Variants in DLGAP2 observed in about 807,000 individuals in gnomAD.
DLGAP2 encodes the protein disks large-associated protein 2.
DLGAP2 carries 26 observed loss-of-function variants against 100.3 expected under a neutral mutation model. The ratio of observed to expected loss-of-function variants is 0.26; its 90% confidence interval spans 0.19 to 0.36. DLGAP2 has a LOEUF of 0.36. Ranked by LOEUF, DLGAP2 falls within the 10% of genes least tolerant of loss-of-function variation. The pLI is 1.00. For synonymous variants in DLGAP2, 886 were observed against 630.1 expected (o/e 1.41, Z -6.08); for missense variants, 1,858 against 1,453.2 (o/e 1.28, Z -4.53).
intron 1 of DLGAP2, among the ~76,000 whole-genome samples, chr8:813,955 A>G (rs1796417600): frequency 6.6e-6 from 1 of 152,202 alleles, no homozygotes; most frequent in Non-Finnish European, 1.5e-5. Context: ...AGTACAGGAC[A>G]TCTAAAGGGA....
intron 12 of DLGAP2, 175 bp downstream of exon 12, chr8:1,678,804 AAG>A: frequency 1.4e-6 from 1 of 717,162 alleles, no homozygotes; most frequent in East Asian, 3.1e-5. Flanking sequence ...ATTACATGAA[AAG>A]AGAAGCAGTC....
intron 3 of DLGAP2, chr8:1,368,990 CTG>C (rs890778558): frequency 2.0e-5 from 3 of 152,234 alleles, no homozygotes; most frequent in African/African-American, 7.2e-5. Flanking sequence ...ACCCTCAACT[CTG>C]TGCACGTGAC....
chr8:1,345,676 A>G (rs542630126), intron 3 of DLGAP2, among the ~76,000 whole-genome samples: 1 of 152,336 alleles, frequency 6.6e-6, no homozygotes, highest in South Asian at 2.1e-4. Context: ...GAATGACCCC[A>G]CTTCAGGAAA....
chr8:1,081,050 A>T (rs946941281), intron 2 of DLGAP2, among the ~76,000 whole-genome samples: 2 of 152,242 alleles, frequency 1.3e-5, no homozygotes, highest in Admixed American at 1.3e-4. Flanking sequence ...ATAAGATTTT[A>T]TTGAGGTGAT....
chr8:880,933 G>A lies in DLGAP2; in HGVS notation c.19-26979G>A, dbSNP rs572959814. ...CCACTCTGTTAATTTATAACTAGTC[G>A]TATCACTTAATATCTAATTGCACAG... On this transcript the variant is annotated intron_variant, in intron 1 of 14. Coordinates refer to ENST00000637795, the MANE Select transcript of DLGAP2 (RefSeq NM_001346810.2). Among the ~76,000 whole-genome samples, 21 of 152,310 alleles carry A rather than the reference G, an allele frequency of 1.4e-4. 1 individual carries two copies. Among genetic ancestry groups the A allele is most frequent in the Middle Eastern group, 3.4e-3 (1 of 294 alleles).
At chr8:861,361 G>C (rs7822855) in intron 1 of DLGAP2, among the ~76,000 whole-genome samples, 53,931 of 151,900 alleles carry the variant, frequency 0.36, 9,655 homozygotes, top group Middle Eastern at 0.49. Context: ...CGGGGTCCTG[G>C]AACCCCTCCT....
At chr8:853,662 C>T (rs1390336234) in intron 1 of DLGAP2, among the ~76,000 whole-genome samples, 2 of 152,246 alleles carry the variant, frequency 1.3e-5, no homozygotes, top group East Asian at 1.9e-4. Flanking sequence ...GGAGCAGTCT[C>T]AGGCCTGCAG....
intron 2 of DLGAP2, among the ~76,000 whole-genome samples, chr8:917,565 G>T (rs2129000794): frequency 6.6e-6 from 1 of 151,874 alleles, no homozygotes; most frequent in South Asian, 2.1e-4. Context: ...TGTTGTTACT[G>T]GACAGCGTCT....
intron 1 of DLGAP2, among the ~76,000 whole-genome samples, chr8:800,589 C>T (rs1041471404): frequency 6.6e-6 from 1 of 152,142 alleles, no homozygotes; most frequent in Non-Finnish European, 1.5e-5. Flanking sequence ...AGTGGAGAAC[C>T]TTGTGCACCT....
chr8:1,493,479 T>A (rs1332219832), intron 3 of DLGAP2, among the ~76,000 whole-genome samples: 1 of 152,098 alleles, frequency 6.6e-6, no homozygotes, highest in Non-Finnish European at 1.5e-5. Context: ...TGGATGAGAA[T>A]GAAGCAACGG....
chr8:1,105,027 T>G (rs1300842582), intron 2 of DLGAP2: 2 of 152,180 alleles, frequency 1.3e-5, no homozygotes, highest in East Asian at 1.9e-4. Context: ...GTGCCACACC[T>G]GATGGTCCAC....
intron 1 of DLGAP2, among the ~76,000 whole-genome samples, chr8:836,261 A>T (rs1375815837): frequency 6.6e-6 from 1 of 152,012 alleles, no homozygotes; most frequent in Non-Finnish European, 1.5e-5. Context: ...CGGGCGGGAG[A>T]TGACTGTCCC....
chr8:1,257,129 C>G (rs895454982), intron 2 of DLGAP2, among the ~76,000 whole-genome samples: 2 of 152,162 alleles, frequency 1.3e-5, no homozygotes, highest in African/African-American at 4.8e-5. Flanking sequence ...TCCCCGAAGT[C>G]GGGAGAGCTC....
intron 6 of DLGAP2, among the ~76,000 whole-genome samples, chr8:1,592,944 A>G (rs1368066267): frequency 6.6e-6 from 1 of 152,228 alleles, no homozygotes. Flanking sequence ...AAATCACAGC[A>G]GGATGATAGA....
Position 1,165,546 on chromosome 8 carries a change from C to T in DLGAP2, c.74-93305C>T, listed in dbSNP as rs138186126. On this transcript the variant is annotated intron_variant, in intron 2 of 14. Transcript: ENST00000637795. ...GATTTGCATGGCATGTGTTGCCAAGCCTTGTTCTAGATACTGGGATACATC... is the reference window on the plus strand; with the variant it reads ...GATTTGCATGGCATGTGTTGCCAAGTCTTGTTCTAGATACTGGGATACATC... Among the ~76,000 whole-genome samples the T allele has an allele frequency of 7.8e-3, 1,194 of 152,308 alleles. 10 individuals carry two copies. Among genetic ancestry groups the T allele is most frequent in the Middle Eastern group, 0.054 (16 of 294 alleles).
intron 2 of DLGAP2, among the ~76,000 whole-genome samples, chr8:941,829 T>C (rs901312471): frequency 6.6e-6 from 1 of 152,164 alleles, no homozygotes; most frequent in East Asian, 1.9e-4. Flanking sequence ...ATTTTTTTTT[T>C]TGAAAATCCT....
intron 3 of DLGAP2, among the ~76,000 whole-genome samples, chr8:1,362,827 TCTC>T (rs1230422366): frequency 2.6e-5 from 4 of 152,218 alleles, no homozygotes; most frequent in Non-Finnish European, 4.4e-5. Flanking sequence ...CTTCTGGGCT[TCTC>T]CTGGTGAATT....
At chr8:1,433,256 CAG>C (rs1333722676) in intron 3 of DLGAP2, among the ~76,000 whole-genome samples, 2 of 152,202 alleles carry the variant, frequency 1.3e-5, no homozygotes, top group Non-Finnish European at 2.9e-5. Context: ...CCTCTGGCAA[CAG>C]AACCCATCCA....
intron 1 of DLGAP2, among the ~76,000 whole-genome samples, chr8:806,522 A>C (rs930887083): frequency 6.6e-6 from 1 of 152,180 alleles, no homozygotes; most frequent in Non-Finnish European, 1.5e-5. Context: ...AAGGTAGCAC[A>C]AGAGGGACAG....
Sources: gnomAD v4.1 joint callset for allele counts (sites outside exome capture counted in the v4.1 genomes callset) on GRCh38, gnomAD v4.1.1 for gene constraint, MANE v1.5 for transcripts, NCBI Gene and HGNC (gene_info 2026-07-23, HGNC 2026-07-21) for gene names.